The following MGAT4C variants were observed in gnomAD, a reference collection of about 807,000 sequenced individuals.
MGAT4C encodes MGAT4 family member C.
Under a neutral mutation model 40.1 loss-of-function variants are expected in MGAT4C, and 19 were observed. The observed-to-expected ratio is 0.47, with a 90% confidence interval of 0.33 to 0.70. MGAT4C has a LOEUF of 0.70. MGAT4C is among the 30% of genes least tolerant of loss of function. The probability of loss-of-function intolerance (pLI) is 0.02; values close to 1 mark genes in which losing one functional copy is unlikely to be tolerated. For synonymous variants in MGAT4C, 181 were observed against 187.1 expected, an observed-to-expected ratio of 0.97 and a Z score of 0.27; for missense variants, 491 against 563.2, an observed-to-expected ratio of 0.87 and a Z score of 1.30.
At chr12:86,545,750 A>G (rs1317050327) in intron 2 of MGAT4C, among the ~76,000 whole-genome samples, 1 of 151,858 alleles carries the variant, frequency 6.6e-6, no homozygotes, top group Non-Finnish European at 1.5e-5. Context: ...TCGGCTTGAT[A>G]GAAGGGAATT....
intron 3 of MGAT4C, among the ~76,000 whole-genome samples, chr12:86,370,748 C>T (rs921711026): frequency 2.6e-5 from 4 of 152,012 alleles, no homozygotes; most frequent in South Asian, 2.1e-4. Flanking sequence ...CTATTTAATC[C>T]CCAAAAGTTC....
At chr12:86,614,781 G>T (rs566691694) in intron 2 of MGAT4C, among the ~76,000 whole-genome samples, 6 of 152,020 alleles carry the variant, frequency 3.9e-5, no homozygotes, top group African/African-American at 1.4e-4. Flanking sequence ...ATTCACTGTG[G>T]AGTTTATGAA....
At chr12:86,447,206 A>G (rs1246616907) in intron 2 of MGAT4C, among the ~76,000 whole-genome samples, 1 of 152,060 alleles carries the variant, frequency 6.6e-6, no homozygotes, top group Admixed American at 6.6e-5. Flanking sequence ...GCTCACCGCA[A>G]CCTTTGCCTC....
chr12:86,181,136 C>T (rs2135866682), intron 1 of MGAT4C, among the ~76,000 whole-genome samples: 1 of 152,256 alleles, frequency 6.6e-6, no homozygotes, highest in East Asian at 1.9e-4. Flanking sequence ...ACGTTTTCTT[C>T]TTCCTCACTT....
chr12:86,703,499 C>T (rs1018815795), intron 2 of MGAT4C, among the ~76,000 whole-genome samples: 1 of 152,250 alleles, frequency 6.6e-6, no homozygotes, highest in Non-Finnish European at 1.5e-5. Flanking sequence ...TGAGGCAAGA[C>T]CTTCCACCAA....
At chr12:86,363,394 A>G (rs888907480) in intron 3 of MGAT4C, among the ~76,000 whole-genome samples, 2 of 152,138 alleles carry the variant, frequency 1.3e-5, no homozygotes, top group African/African-American at 2.4e-5. Flanking sequence ...TTCAGGACAA[A>G]TTAGCATCTA....
chr12:86,824,905 T>C (rs1952777621), intron 1 of MGAT4C, among the ~76,000 whole-genome samples: 1 of 151,354 alleles, frequency 6.6e-6, no homozygotes, highest in Admixed American at 6.6e-5. Flanking sequence ...GAAGGAATTA[T>C]GACCAAAAGA....
intron 3 of MGAT4C, among the ~76,000 whole-genome samples, chr12:86,403,032 T>C (rs959873380): frequency 3.9e-5 from 6 of 152,222 alleles, no homozygotes; most frequent in South Asian, 2.1e-4. Flanking sequence ...ACATGTTAAA[T>C]AACTTGTCTT....
chr12:86,651,214 G>A (rs553018365), intron 2 of MGAT4C, among the ~76,000 whole-genome samples: 17 of 151,916 alleles, frequency 1.1e-4, no homozygotes, highest in African/African-American at 3.6e-4. Flanking sequence ...ATCTATTAGA[G>A]AAGCACAGAT....
intron 1 of MGAT4C, among the ~76,000 whole-genome samples, chr12:86,060,331 G>A (rs1565923755): frequency 6.6e-6 from 1 of 152,126 alleles, no homozygotes; most frequent in Non-Finnish European, 1.5e-5. Flanking sequence ...AAAAGTTCAA[G>A]CAACTTTTAC....
intron 3 of MGAT4C, among the ~76,000 whole-genome samples, chr12:86,409,101 C>A (rs1956550487): frequency 6.6e-6 from 1 of 152,234 alleles, no homozygotes; most frequent in East Asian, 1.9e-4. Context: ...TATTACACTT[C>A]TCTGTGAAGA....
intron 3 of MGAT4C, among the ~76,000 whole-genome samples, chr12:86,367,623 C>T (rs192848460): frequency 6.6e-6 from 1 of 152,202 alleles, no homozygotes; most frequent in East Asian, 1.9e-4. Flanking sequence ...CACGGTGAAA[C>T]CTCGCCTCTA....
intron 1 of MGAT4C, among the ~76,000 whole-genome samples, chr12:86,137,066 T>G (rs1251729157): frequency 6.6e-6 from 1 of 152,144 alleles, no homozygotes; most frequent in Non-Finnish European, 1.5e-5. Flanking sequence ...CATTACAGAC[T>G]TCAGACTTCA....
chr12:86,133,287 CA>C (rs1485487404), intron 1 of MGAT4C, among the ~76,000 whole-genome samples: 5 of 152,216 alleles, frequency 3.3e-5, no homozygotes, highest in Non-Finnish European at 5.9e-5. Context: ...GAGTGGGAAA[CA>C]AATACTTAAG....
At chr12:86,275,895 T>G (rs558959777) in intron 4 of MGAT4C, among the ~76,000 whole-genome samples, 3 of 132,466 alleles carry the variant, frequency 2.3e-5, no homozygotes, top group Admixed American at 9.2e-5. Flanking sequence ...CGTCAGGAGA[T>G]CGAGACCATT....
At chr12:86,146,276 C>T (rs1883503050) in intron 1 of MGAT4C, among the ~76,000 whole-genome samples, 4 of 152,078 alleles carry the variant, frequency 2.6e-5, no homozygotes, top group Admixed American at 2.6e-4. Context: ...GCTAAGATCA[C>T]AGGTAAAATT....
chr12:86,775,305 A>G lies in MGAT4C; in HGVS notation c.-261-48064T>C, dbSNP rs1452403248. ...AGATAAAGCCATGTGGATGAACATA[A>G]GCACATCCATCCATTTTTAAATTCA... On this transcript the variant is annotated intron_variant, in intron 1 of 7. Coordinates refer to the MGAT4C transcript ENST00000548651. 3.9e-5 allele frequency among the ~76,000 whole-genome samples: 6 copies of G among 152,136 alleles called. No individual in the cohort carries two copies. The East Asian group carries it at 1.2e-3, about 29-fold the overall frequency.
At chr12:86,828,431 T>C (rs1348629908) in intron 1 of MGAT4C, among the ~76,000 whole-genome samples, 2 of 151,490 alleles carry the variant, frequency 1.3e-5, no homozygotes, top group African/African-American at 2.4e-5. Context: ...TAACAAACTT[T>C]TAAAAATTTG....
rs184996788 is a variant in MGAT4C at position 86,020,515 on chromosome 12, G to A, written c.-7+29159C>T. Among the ~76,000 whole-genome samples the A allele has an allele frequency of 9.0e-3, 1,363 of 152,228 alleles. 16 individuals carry two copies. Among genetic ancestry groups the A allele is most frequent in the Middle Eastern group, 0.02 (6 of 294 alleles). On this transcript the variant is annotated intron_variant, in intron 2 of 4. Transcript: ENST00000611864. ...ATTCCCTATTTAATAAATGGTGCTG[G>A]GAAAACTGGCTAGCCATATGTAGAA...
Sources: allele counts gnomAD v4.1 joint callset (sites outside exome capture counted in the v4.1 genomes callset), GRCh38; gene constraint gnomAD v4.1.1; transcripts MANE v1.5; gene names NCBI Gene and HGNC (gene_info 2026-07-23, HGNC 2026-07-21).